Variants in PRDM16 observed in about 807,000 individuals in gnomAD.
PRDM16 encodes the protein histone-lysine N-methyltransferase PRDM16.
Under a neutral mutation model 110.6 loss-of-function variants are expected in PRDM16, and 23 were observed. That is an observed-to-expected ratio of 0.21 (90% CI 0.15 to 0.29). The LOEUF (loss-of-function observed/expected upper bound fraction) is 0.29, where lower values mean the gene tolerates loss of function less well. Ranked by LOEUF, PRDM16 falls within the 10% of genes least tolerant of loss-of-function variation. The pLI is 1.00. For synonymous variants in PRDM16, 799 were observed against 781.8 expected (o/e 1.02, Z -0.37); for missense variants, 1,615 against 1,794.3 (o/e 0.90, Z 1.81).
intron 2 of PRDM16, among the ~76,000 whole-genome samples, chr1:3,215,895 G>A (rs749660116): frequency 7.9e-5 from 12 of 152,136 alleles, no homozygotes; most frequent in Admixed American, 2.0e-4. Context: ...TCCCGGGGCC[G>A]ATTCAGATGG....
chr1:3,226,504 A>G (rs992198419), intron 2 of PRDM16, among the ~76,000 whole-genome samples: 5 of 152,138 alleles, frequency 3.3e-5, no homozygotes, highest in African/African-American at 1.2e-4. Context: ...GCCCTAAAAC[A>G]TCTTTCCCTG....
intron 2 of PRDM16, among the ~76,000 whole-genome samples, chr1:3,211,851 C>A (rs908616655): frequency 1.3e-5 from 2 of 152,238 alleles, no homozygotes; most frequent in Non-Finnish European, 2.9e-5. Context: ...CCACGCCTGG[C>A]GGCCTGGGCC....
At position 3,163,517 on chromosome 1, in the gene PRDM16, G is replaced by A. The variant is rs369844115; in HGVS notation, c.38-22608G>A. 2.6e-5 allele frequency among the ~76,000 whole-genome samples: 4 copies of A among 152,176 alleles called. No individual in the cohort carries two copies. The East Asian group carries it at 7.7e-4, about 29-fold the overall frequency. ...AGCAGTGCCAGTTGGTAAAACCCACGCGGCGTTAGCTTCCTGGGGAGGTCC... is the reference window on the plus strand; with the variant it reads ...AGCAGTGCCAGTTGGTAAAACCCACACGGCGTTAGCTTCCTGGGGAGGTCC... On this transcript the variant is annotated intron_variant, in intron 1 of 16. Coordinates refer to ENST00000270722, the MANE Select transcript of PRDM16 (RefSeq NM_022114.4).
chr1:3,355,672 G>A (rs1373284917), intron 3 of PRDM16, among the ~76,000 whole-genome samples: 3 of 152,132 alleles, frequency 2.0e-5, no homozygotes, highest in Non-Finnish European at 2.9e-5. Flanking sequence ...TTGTGGCCCC[G>A]GACCCTCAGC....
intron 3 of PRDM16, among the ~76,000 whole-genome samples, chr1:3,295,266 T>G (rs1641061969): frequency 1.3e-5 from 2 of 152,112 alleles, no homozygotes; most frequent in Non-Finnish European, 1.5e-5. Context: ...GCTTGCAGGG[T>G]GAGCCCCTCC....
chr1:3,257,562 A>G (rs1305292775), intron 3 of PRDM16, among the ~76,000 whole-genome samples: 1 of 135,324 alleles, frequency 7.4e-6, no homozygotes, highest in Non-Finnish European at 1.6e-5. Context: ...GGTTAAGACA[A>G]TGAGTTTTAG....
intron 1 of PRDM16, among the ~76,000 whole-genome samples, chr1:3,074,957 G>A (rs1387618657): frequency 6.6e-6 from 1 of 152,254 alleles, no homozygotes; most frequent in African/African-American, 2.4e-5. Flanking sequence ...TGCAGCCAGG[G>A]CCACGGTGGT....
chr1:3,407,795 G>A (rs565893132), intron 8 of PRDM16, among the ~76,000 whole-genome samples: 3 of 152,204 alleles, frequency 2.0e-5, no homozygotes, highest in Non-Finnish European at 4.4e-5. Context: ...CCCATCCCTC[G>A]TGGATGGAGT....
intron 3 of PRDM16, among the ~76,000 whole-genome samples, chr1:3,327,512 G>A (rs1382348932): frequency 2.6e-5 from 4 of 152,346 alleles, no homozygotes; most frequent in Admixed American, 2.0e-4. Flanking sequence ...CCCCGGGCAG[G>A]GATTCTGTTG....
chr1:3,219,592 A>C (rs1418743723), intron 2 of PRDM16, among the ~76,000 whole-genome samples: 3 of 152,174 alleles, frequency 2.0e-5, no homozygotes, highest in Non-Finnish European at 4.4e-5. Context: ...GTCTGTCTGC[A>C]GTGTTCGGGA....
chr1:3,328,349 A>G (rs1414718217), intron 3 of PRDM16, among the ~76,000 whole-genome samples: 1 of 152,238 alleles, frequency 6.6e-6, no homozygotes, highest in Non-Finnish European at 1.5e-5. Context: ...TCTGCCCAGT[A>G]GACAACAGTG....
At chr1:3,356,440 T>G (rs1250840376) in intron 3 of PRDM16, among the ~76,000 whole-genome samples, 2 of 151,818 alleles carry the variant, frequency 1.3e-5, no homozygotes, top group Non-Finnish European at 2.9e-5. Context: ...GAGACGGGAG[T>G]GGGGGAGGCA....
In PRDM16 at chr1:3,353,833, C is replaced by A. The variant is rs1275007086; in HGVS notation, c.439-31319C>A. Among the ~76,000 whole-genome samples, 5 of 152,108 alleles carry A rather than the reference C, an allele frequency of 3.3e-5. No homozygotes were observed. Among genetic ancestry groups the A allele is most frequent in the African/African-American group, 1.2e-4 (5 of 41,436 alleles). On this transcript the variant is annotated intron_variant, in intron 3 of 16. Transcript: ENST00000270722. The surrounding 1 kb of genome is among the most constrained non-coding windows in gnomAD (Gnocchi z 5.4). ...CTGGGGACCCCTGCTCCCAGCGGAGCCAGTAGTGATGACAGGCGCAGCTGG... is the reference window on the plus strand; with the variant it reads ...CTGGGGACCCCTGCTCCCAGCGGAGACAGTAGTGATGACAGGCGCAGCTGG...
At chr1:3,331,609 C>T (rs1213700899) in intron 3 of PRDM16, among the ~76,000 whole-genome samples, 1 of 152,204 alleles carries the variant, frequency 6.6e-6, no homozygotes, top group African/African-American at 2.4e-5. Flanking sequence ...AAAGGAAACA[C>T]ATTCGTCCAA....
In PRDM16 at chr1:3,302,291, G is replaced by A. The variant is rs1011267735; in HGVS notation, c.438+58154G>A. Among the ~76,000 whole-genome samples, 4 of 152,070 alleles carry A rather than the reference G, an allele frequency of 2.6e-5. No individual in the cohort carries two copies. The East Asian group carries it at 5.8e-4, about 22-fold the overall frequency. The stretch of plus-strand genomic sequence containing the variant: ...TAAATATTGCAACAAAGCCAGTGAC[G>A]CAAATGTTTTGGTCTACCATACCGT... On this transcript the variant is annotated intron_variant, in intron 3 of 16. Transcript: ENST00000270722.
Position 3,138,207 on chromosome 1 carries a change from G to T in PRDM16, c.38-47918G>T, listed in dbSNP as rs79342687. 9.3e-3 allele frequency among the ~76,000 whole-genome samples: 1,418 copies of T among 152,326 alleles called. 31 individuals carry two copies. The highest frequency in any genetic ancestry group is 0.032 in the African/African-American group (1,320 of 41,570). ...CCTCCTATAATCCTGGGGAGAGGCC[G>T]CATCCCTCCCAGCGCAACCACGGGG... On this transcript the variant is annotated intron_variant, in intron 1 of 16. Coordinates refer to ENST00000270722, the MANE Select transcript of PRDM16 (RefSeq NM_022114.4).
chr1:3,357,290 A>T (rs925979572), intron 3 of PRDM16, among the ~76,000 whole-genome samples: 2 of 151,946 alleles, frequency 1.3e-5, no homozygotes, highest in African/African-American at 4.8e-5. Flanking sequence ...CCTGAAAACG[A>T]AGGCTGCATT....
intron 1 of PRDM16, among the ~76,000 whole-genome samples, chr1:3,139,827 C>T (rs1318042923): frequency 6.6e-6 from 1 of 152,224 alleles, no homozygotes; most frequent in Non-Finnish European, 1.5e-5. Context: ...GTGGGGGTAG[C>T]AGTAGGTGAA....
chr1:3,412,232 G>A lies in PRDM16; in HGVS notation c.2035G>A (p.Asp679Asn), dbSNP rs772689095. Residue 679 changes from aspartate to asparagine, a missense_variant, in exon 9 of 17, where the codon GAC becomes AAC. Physicochemically the swap from Asp to Asn is conservative, Grantham distance 23. Around this residue, in one of 5 missense-constraint regions of PRDM16, gnomAD observed 772 missense variants for 748.3 expected, o/e 1.03. Transcript: ENST00000270722. ...YSQHSFFPPP[D>N]EQLLTATGAA... The stretch of plus-strand genomic sequence containing the variant: ...CCAGCACTCATTCTTCCCGCCACCC[G>A]ACGAGCAGCTGCTGACTGCAACGGG... The A allele has an allele frequency of 7.1e-5, 115 of 1,608,628 alleles. No homozygotes were observed. The South Asian group carries it at 7.8e-4, about 11-fold the overall frequency.
Sources: allele counts gnomAD v4.1 joint callset (sites outside exome capture counted in the v4.1 genomes callset), GRCh38; gene constraint gnomAD v4.1.1; regional missense constraint gnomAD v4.1.1; non-coding constraint Gnocchi (gnomAD v3.1); transcripts MANE v1.5; gene names NCBI Gene and HGNC (gene_info 2026-07-23, HGNC 2026-07-21).